The following TSPAN16 variants were observed in gnomAD, a reference collection of about 807,000 sequenced individuals.
The protein encoded by TSPAN16 is tetraspanin 16.
A neutral mutation model predicts 25.2 loss-of-function variants in TSPAN16; 23 were observed. The ratio of observed to expected loss-of-function variants is 0.91; its 90% CI spans 0.66 to 1.29. The LOEUF (loss-of-function observed/expected upper bound fraction) is 1.29. TSPAN16 is among the 50% of genes most tolerant of loss of function. The pLI is 0.00. For synonymous variants in TSPAN16, 123 were observed against 124.4 expected, an observed-to-expected ratio of 0.99 and a Z score of 0.08; for missense variants, 272 against 299.9, an observed-to-expected ratio of 0.91 and a Z score of 0.69.
chr19:11,308,966 C>G (rs2080660341), intron 5 of TSPAN16, among the ~76,000 whole-genome samples: 1 of 152,028 alleles, frequency 6.6e-6, no homozygotes, highest in South Asian at 2.1e-4. Flanking sequence ...CCCAGCTATT[C>G]TGGTGGTTGA....
chr19:11,326,500 T>C (rs573333786), intron 6 of TSPAN16, among the ~76,000 whole-genome samples: 1 of 152,356 alleles, frequency 6.6e-6, no homozygotes, highest in African/African-American at 2.4e-5. Context: ...AGAGTTCTGC[T>C]GCCCTGCGGC....
At chr19:11,313,097 A>G (rs1472318662) in intron 6 of TSPAN16, among the ~76,000 whole-genome samples, 2 of 152,216 alleles carry the variant, frequency 1.3e-5, no homozygotes, top group South Asian at 2.1e-4. Context: ...TGGAAATATT[A>G]CCAAACTTTT....
Position 11,310,231 on chromosome 19 carries a change from G to A in TSPAN16, c.604-1908G>A, listed in dbSNP as rs534428545. On this transcript the variant is annotated intron_variant, in intron 5 of 6. Coordinates refer to ENST00000590327, the MANE Select transcript of TSPAN16 (RefSeq NM_001282509.2). Reference sequence around the variant, plus strand: ...AGAGGGAGCTACTCTGGAAGTGCAGGAAGAAGGAAGAAGGCCGGGTGTGGT... The same window carrying A: ...AGAGGGAGCTACTCTGGAAGTGCAGAAAGAAGGAAGAAGGCCGGGTGTGGT... Among the ~76,000 whole-genome samples the A allele has an allele frequency of 1.3e-3, 196 of 152,134 alleles. 1 individual carries two copies. The highest frequency in any genetic ancestry group is 6.0e-3 in the South Asian group (29 of 4,820).
chr19:11,310,986 T>G (rs942777998), intron 5 of TSPAN16, among the ~76,000 whole-genome samples: 4 of 151,982 alleles, frequency 2.6e-5, no homozygotes. Context: ...TACAGGCACA[T>G]ACCACCACAC....
Position 11,325,342 on chromosome 19 carries a change from C to T in TSPAN16, c.688-1452C>T, listed in dbSNP as rs1021976766. 2.9e-5 allele frequency: 36 copies of T among 1,226,192 alleles called. No individual in the cohort carries two copies. In the African/African-American group the frequency reaches 4.3e-4, roughly 15 times the overall value. 76.0% of individuals were successfully genotyped at this position (1,226,192 alleles called of 1,614,324 possible). On this transcript the variant is annotated intron_variant, in intron 6 of 6. Transcript: ENST00000316737. ...GAGATAACCACTGTGGCTCACGCCTCGATCACAGTCCCTGCCGAGGCAGGA... is the reference window on the plus strand; with the variant it reads ...GAGATAACCACTGTGGCTCACGCCTTGATCACAGTCCCTGCCGAGGCAGGA...
chr19:11,320,494 A>G (rs952191703), downstream of TSPAN16, among the ~76,000 whole-genome samples: 3 of 151,874 alleles, frequency 2.0e-5, no homozygotes, highest in African/African-American at 7.3e-5. Context: ...CCTGGGCAAC[A>G]TAGCAAGATC....
downstream of TSPAN16, among the ~76,000 whole-genome samples, chr19:11,316,454 T>C (rs1000669160): frequency 6.6e-6 from 1 of 152,050 alleles, no homozygotes; most frequent in African/African-American, 2.4e-5. Flanking sequence ...AATCTAGAAC[T>C]TTCACAAAAG....
intron 3 of TSPAN16, among the ~76,000 whole-genome samples, chr19:11,300,556 C>T (rs766176160): frequency 5.3e-5 from 8 of 151,946 alleles, no homozygotes; most frequent in Non-Finnish European, 7.4e-5. Flanking sequence ...AACAGCCAGA[C>T]GCAGAAAAAT....
chr19:11,300,169 T>C lies in TSPAN16; in HGVS notation c.343-1032T>C, dbSNP rs188162633. ...TCTCCAGGATAGAGTGCCGTCCTCA[T>C]TGGCATCCTCCCCAGAGGCTGACCC... On this transcript the variant is annotated intron_variant, in intron 3 of 6. Coordinates refer to ENST00000590327, the MANE Select transcript of TSPAN16 (RefSeq NM_001282509.2). 9.1e-3 allele frequency among the ~76,000 whole-genome samples: 1,382 copies of C among 152,206 alleles called. 17 individuals are homozygous for C. Among genetic ancestry groups the C allele is most frequent in the Admixed American group, 0.026 (400 of 15,268 alleles).
intron 5 of TSPAN16, among the ~76,000 whole-genome samples, chr19:11,309,282 G>T (rs192733451): frequency 1.3e-5 from 2 of 152,178 alleles, no homozygotes; most frequent in Admixed American, 6.5e-5. Context: ...AATGGCTCAT[G>T]CAGGGAAATA....
chr19:11,315,443 G>A, intron 6 of TSPAN16, among the ~76,000 whole-genome samples: 1 of 150,872 alleles, frequency 6.6e-6, no homozygotes, highest in East Asian at 1.9e-4. Context: ...TGTAGTCCCA[G>A]CTACTCGGGA....
chr19:11,296,295 A>C lies in TSPAN16; in HGVS notation c.-3A>C. On this transcript the variant is annotated 5_prime_UTR_variant, in exon 1 of 7. Transcript: ENST00000590327. ...ATGTTCAGGGTGCCCCAGTCTGTTC[A>C]GCATGGCTGAAATCCACACTCCGTA... The C allele has an allele frequency of 6.2e-7, 1 of 1,614,122 alleles. No individual in the cohort carries two copies.
At chr19:11,314,459 A>C (rs1413445875) in intron 6 of TSPAN16, among the ~76,000 whole-genome samples, 1 of 152,188 alleles carries the variant, frequency 6.6e-6, no homozygotes, top group Non-Finnish European at 1.5e-5. Flanking sequence ...CTTTTCTGCA[A>C]ATCGCCACTA....
downstream of TSPAN16, among the ~76,000 whole-genome samples, chr19:11,318,592 A>G (rs2080761078): frequency 6.6e-6 from 1 of 152,138 alleles, no homozygotes; most frequent in South Asian, 2.1e-4. Context: ...TGACCATAGC[A>G]TCCTGAACCA....
chr19:11,296,719 A>G (rs2080482117), intron 1 of TSPAN16, among the ~76,000 whole-genome samples: 1 of 152,228 alleles, frequency 6.6e-6, no homozygotes, highest in South Asian at 2.1e-4. Context: ...TCCTTACCGT[A>G]AAAGTAACCC....
chr19:11,307,873 C>T (rs1402987858), intron 5 of TSPAN16: 1 of 152,198 alleles, frequency 6.6e-6, no homozygotes, highest in Non-Finnish European at 1.5e-5. Flanking sequence ...AACTGAGGCT[C>T]GGGGAGGGGA....
chr19:11,309,217 CAAA>C (rs112897054), intron 5 of TSPAN16, among the ~76,000 whole-genome samples: 7 of 106,732 alleles, frequency 6.6e-5, no homozygotes, highest in Non-Finnish European at 2.1e-5. Context: ...CTAAAATAGA[CAAA>C]AAAAAAAAAA....
chr19:11,305,523 G>A (rs1390071805), intron 4 of TSPAN16, among the ~76,000 whole-genome samples: 1 of 150,552 alleles, frequency 6.6e-6, no homozygotes, highest in African/African-American at 2.4e-5. Flanking sequence ...GACAGAGACT[G>A]TGTCTCAAAA....
intron 3 of TSPAN16, among the ~76,000 whole-genome samples, chr19:11,300,148 C>T (rs2080528344): frequency 1.3e-5 from 2 of 152,086 alleles, no homozygotes; most frequent in South Asian, 4.1e-4. Context: ...GAATGCTCTC[C>T]AGGATAGAGT....
Sources: gnomAD v4.1 joint callset for allele counts (sites outside exome capture counted in the v4.1 genomes callset) on GRCh38, gnomAD v4.1.1 for gene constraint, MANE v1.5 for transcripts, NCBI Gene and HGNC (gene_info 2026-07-23, HGNC 2026-07-21) for gene names.